The following LRMDA variants were observed in gnomAD, a reference collection of about 807,000 sequenced individuals.
LRMDA encodes the protein leucine rich melanocyte differentiation associated, also known as leucine-rich melanocyte differentiation-associated protein.
Under a neutral mutation model 29.8 loss-of-function variants are expected in LRMDA, and 18 were observed. The ratio of observed to expected loss-of-function variants is 0.60; its 90% CI spans 0.42 to 0.90. LRMDA has a LOEUF of 0.90. LRMDA is among the 40% of genes least tolerant of loss of function. The pLI is 0.00. For missense variants in LRMDA, 273 were observed against 273.9 expected (o/e 1.00, Z 0.02); for synonymous variants, 125 against 109.4 (o/e 1.14, Z -0.89).
rs375038293 is a variant in LRMDA at position 76,373,674 on chromosome 10, G to A, written c.601+49189G>A. Among the ~76,000 whole-genome samples the A allele has an allele frequency of 4.0e-5, 6 of 151,602 alleles. No individual in the cohort carries two copies. The South Asian group carries it at 1.0e-3, about 26-fold the overall frequency. Reference sequence around the variant, plus strand: ...CAGTTCCTAGACAGTTTTTTTTTATGTACACAGCTCATTTTCACATATGGA... The same window carrying A: ...CAGTTCCTAGACAGTTTTTTTTTATATACACAGCTCATTTTCACATATGGA... On this transcript the variant is annotated intron_variant, in intron 6 of 6. Coordinates refer to ENST00000611255, the MANE Select transcript of LRMDA (RefSeq NM_001305581.2).
At chr10:76,513,196 G>A (rs1023487974) in intron 6 of LRMDA, among the ~76,000 whole-genome samples, 2 of 152,166 alleles carry the variant, frequency 1.3e-5, no homozygotes, top group Non-Finnish European at 2.9e-5. Context: ...TGTAATTTGA[G>A]CCACAGAATT....
chr10:75,646,852 G>A (rs571081620), intron 2 of LRMDA, among the ~76,000 whole-genome samples: 2 of 152,264 alleles, frequency 1.3e-5, no homozygotes, highest in African/African-American at 4.8e-5. Flanking sequence ...TATACTGTTA[G>A]GAAAACAATC....
intron 2 of LRMDA, among the ~76,000 whole-genome samples, chr10:75,884,883 A>G (rs1845357177): frequency 6.6e-6 from 1 of 151,910 alleles, no homozygotes; most frequent in African/African-American, 2.4e-5. Context: ...GGGCAGGCCC[A>G]ACGAAAAATC....
At chr10:76,197,723 C>T (rs1336525129) in intron 5 of LRMDA, among the ~76,000 whole-genome samples, 3 of 151,638 alleles carry the variant, frequency 2.0e-5, no homozygotes, top group Admixed American at 6.6e-5. Flanking sequence ...GTTTGAGACC[C>T]GCCTGGTCAA....
intron 2 of LRMDA, among the ~76,000 whole-genome samples, chr10:75,462,417 T>C (rs1844597536): frequency 6.6e-6 from 1 of 152,252 alleles, no homozygotes; most frequent in African/African-American, 2.4e-5. Context: ...TAAGCCAGTG[T>C]AAGACATCTG....
chr10:75,649,116 C>G (rs920354144), intron 2 of LRMDA, among the ~76,000 whole-genome samples: 1 of 152,178 alleles, frequency 6.6e-6, no homozygotes, highest in Non-Finnish European at 1.5e-5. Flanking sequence ...CCCCATTCCT[C>G]CCTCCCCTTA....
At chr10:75,763,261 G>A (rs1270480952) in intron 2 of LRMDA, among the ~76,000 whole-genome samples, 2 of 151,878 alleles carry the variant, frequency 1.3e-5, no homozygotes, top group African/African-American at 4.9e-5. Context: ...AGATTTTGGA[G>A]TCATTTCAGA....
intron 6 of LRMDA, among the ~76,000 whole-genome samples, chr10:76,462,076 A>C (rs60743806): frequency 0.47 from 42,578 of 91,388 alleles, 6,571 homozygotes; most frequent in Middle Eastern, 0.57. Context: ...AAAAAAAAAA[A>C]CCACACACAC....
intron 5 of LRMDA, among the ~76,000 whole-genome samples, chr10:76,135,029 G>A (rs1481261784): frequency 1.3e-5 from 2 of 152,166 alleles, no homozygotes; most frequent in Non-Finnish European, 2.9e-5. Flanking sequence ...AGTTTAGTTG[G>A]TATTGTTAGA....
chr10:75,878,918 T>C (rs1441243441), intron 2 of LRMDA, among the ~76,000 whole-genome samples: 1 of 152,060 alleles, frequency 6.6e-6, no homozygotes, highest in Non-Finnish European at 1.5e-5. Context: ...ATGCAGTGGG[T>C]GCGTTCCTTA....
chr10:76,279,420 G>A (rs1213301814), intron 5 of LRMDA, among the ~76,000 whole-genome samples: 1 of 151,994 alleles, frequency 6.6e-6, no homozygotes, highest in Non-Finnish European at 1.5e-5. Flanking sequence ...GCTTCACAAG[G>A]CAAGTACAGG....
intron 6 of LRMDA, among the ~76,000 whole-genome samples, chr10:76,511,149 G>A (rs1196747389): frequency 6.6e-6 from 1 of 152,154 alleles, no homozygotes. Flanking sequence ...ACACATGCAT[G>A]AAGAGTGTAT....
At chr10:75,557,426 T>A (rs1033860297) in intron 2 of LRMDA, among the ~76,000 whole-genome samples, 1 of 152,166 alleles carries the variant, frequency 6.6e-6, no homozygotes, top group Admixed American at 6.6e-5. Flanking sequence ...AAAGCCTGAC[T>A]TTTTACTTTT....
chr10:75,832,305 T>C (rs1844359498), intron 2 of LRMDA, among the ~76,000 whole-genome samples: 1 of 152,078 alleles, frequency 6.6e-6, no homozygotes, highest in African/African-American at 2.4e-5. Context: ...TCCACAAATC[T>C]CTAGGGAAGG....
At chr10:76,005,071 G>A (rs1222331707) in intron 2 of LRMDA, among the ~76,000 whole-genome samples, 1 of 152,070 alleles carries the variant, frequency 6.6e-6, no homozygotes, top group Non-Finnish European at 1.5e-5. Context: ...ATGGATAAGT[G>A]TAAATCCTAA....
intron 6 of LRMDA, among the ~76,000 whole-genome samples, chr10:76,385,603 T>C (rs1841649996): frequency 6.6e-6 from 1 of 152,216 alleles, no homozygotes; most frequent in Non-Finnish European, 1.5e-5. Flanking sequence ...ACATGCCATC[T>C]TGCTGCTTCT....
Position 76,212,269 on chromosome 10 carries a change from A to ACACACAT in LRMDA, c.517-112132_517-112131insCACACAT, listed in dbSNP as rs533888320. Among the ~76,000 whole-genome samples the ACACACAT allele has an allele frequency of 4.4e-4, 59 of 135,378 alleles. No individual in the cohort carries two copies. The South Asian group carries it at 8.2e-3, about 19-fold the overall frequency. The allele number at this position is 135,378 out of a possible 152,430, so 88.8% of individuals were successfully genotyped here. A position where few individuals can be genotyped will look rare whatever the true frequency, so the allele number is the denominator to read the frequency against. Reference sequence around the variant, plus strand: ...CACACACACACACACACACACACATAAAAAAAAAAAACTATAGAGAAATAT... The same window carrying ACACACAT: ...CACACACACACACACACACACACATACACACATAAAAAAAAAAACTATAGAGAAATAT... On this transcript the variant is annotated intron_variant, in intron 5 of 6. Transcript: ENST00000611255.
chr10:76,515,342 CA>C (rs1203225754), intron 6 of LRMDA, among the ~76,000 whole-genome samples: 1 of 151,910 alleles, frequency 6.6e-6, no homozygotes, highest in Non-Finnish European at 1.5e-5. Context: ...GTGTATCTAT[CA>C]AAAAAAGGTT....
chr10:76,062,861 C>T (rs1217428983), intron 5 of LRMDA, among the ~76,000 whole-genome samples: 6 of 152,082 alleles, frequency 3.9e-5, no homozygotes, highest in Non-Finnish European at 7.3e-5. Flanking sequence ...AAGAAAGAGC[C>T]CGCTAGTAAC....
Sources: allele counts gnomAD v4.1 joint callset (sites outside exome capture counted in the v4.1 genomes callset), GRCh38; gene constraint gnomAD v4.1.1; transcripts MANE v1.5; gene names NCBI Gene and HGNC (gene_info 2026-07-23, HGNC 2026-07-21).